CADPS2: variants seen among roughly 807,000 people sequenced by gnomAD.
CADPS2 encodes calcium dependent secretion activator 2.
In CADPS2, 93 loss-of-function variants were observed where a neutral mutation model predicts 172.5. The ratio of observed to expected loss-of-function variants is 0.54; its 90% CI spans 0.46 to 0.64. The LOEUF (loss-of-function observed/expected upper bound fraction) is 0.64, where lower values mean the gene tolerates loss of function less well. Ranked by LOEUF, CADPS2 falls within the 30% of genes least tolerant of loss-of-function variation. The pLI is 0.00. For missense variants in CADPS2, 1,420 were observed against 1,565.9 expected, an observed-to-expected ratio of 0.91 and a Z score of 1.57; for synonymous variants, 546 against 555.2, an observed-to-expected ratio of 0.98 and a Z score of 0.23.
chr7:122,721,965 G>C (rs1260943803), intron 2 of CADPS2, among the ~76,000 whole-genome samples: 1 of 152,134 alleles, frequency 6.6e-6, no homozygotes, highest in Admixed American at 6.6e-5. Flanking sequence ...AACAGATGCA[G>C]AAAAGGCCGT....
Position 122,663,358 on chromosome 7 carries a change from T to C in CADPS2, c.665A>G (p.Asn222Ser), listed in dbSNP as rs2080826358. The C allele has an allele frequency of 1.2e-6, 2 of 1,613,992 alleles. No individual in the cohort carries two copies. Among genetic ancestry groups the C allele is most frequent in the East Asian group, 2.2e-5 (1 of 44,870 alleles). ...RGEEDLCKQP[N>S]RMALSAVSEL... The stretch of plus-strand genomic sequence containing the variant: ...AGACACTGCACTTAGGGCCATTCTA[T>C]TTGGCTGTTTGCACAAGTCCTCTTC... The change falls in exon 3 of 30, where the codon AAT becomes AGT. Residue 222 changes from asparagine to serine, a missense_variant. Coordinates refer to ENST00000449022, the MANE Select transcript of CADPS2 (RefSeq NM_017954.11).
intron 15 of CADPS2, among the ~76,000 whole-genome samples, chr7:122,444,244 G>C (rs1243080366): frequency 6.6e-6 from 1 of 152,000 alleles, no homozygotes; most frequent in East Asian, 1.9e-4. Context: ...TCATAGTTTG[G>C]CTACTATGAA....
chr7:122,801,893 A>G (rs1341450326), intron 1 of CADPS2, among the ~76,000 whole-genome samples: 1 of 152,082 alleles, frequency 6.6e-6, no homozygotes, highest in Non-Finnish European at 1.5e-5. Flanking sequence ...GCAGGTGAGA[A>G]TCACTTTTTA....
chr7:122,722,821 C>T (rs534343452), intron 2 of CADPS2, among the ~76,000 whole-genome samples: 2 of 151,618 alleles, frequency 1.3e-5, no homozygotes, highest in Admixed American at 1.3e-4. Flanking sequence ...GGTACTGGTA[C>T]CAAAACAGAG....
At chr7:122,860,526 C>T (rs1311807439) in intron 1 of CADPS2, among the ~76,000 whole-genome samples, 1 of 151,994 alleles carries the variant, frequency 6.6e-6, no homozygotes, top group Non-Finnish European at 1.5e-5. Flanking sequence ...AGCCACTGTG[C>T]CCAGCCATAA....
chr7:122,323,890 TA>T (rs1432255393), intron 29 of CADPS2, among the ~76,000 whole-genome samples: 11 of 13,272 alleles, frequency 8.3e-4, no homozygotes, highest in South Asian at 0.013. Flanking sequence ...TATATATATA[TA>T]TATATATATA....
chr7:122,751,945 A>G (rs1351459991), intron 1 of CADPS2, among the ~76,000 whole-genome samples: 2 of 152,182 alleles, frequency 1.3e-5, no homozygotes, highest in East Asian at 3.9e-4. Flanking sequence ...ATTAGCATTT[A>G]GAAGCATTAT....
intron 20 of CADPS2, among the ~76,000 whole-genome samples, chr7:122,396,294 C>G (rs2045117496): frequency 6.6e-6 from 1 of 152,130 alleles, no homozygotes; most frequent in South Asian, 2.1e-4. Flanking sequence ...TATTTTATAT[C>G]CTTAATATCT....
intron 3 of CADPS2, among the ~76,000 whole-genome samples, chr7:122,645,487 C>T (rs1382034867): frequency 2.2e-5 from 2 of 89,134 alleles, no homozygotes; most frequent in Admixed American, 1.2e-4. Context: ...ATATATTTAG[C>T]GTATATATAT....
chr7:122,708,530 T>G (rs1258873068), intron 2 of CADPS2, among the ~76,000 whole-genome samples: 3 of 1,576 alleles, frequency 1.9e-3, no homozygotes, highest in Non-Finnish European at 3.7e-3. Flanking sequence ...GATATATATA[T>G]ATATATATAT....
At chr7:122,456,712 ACT>A (rs748245185) in intron 14 of CADPS2, among the ~76,000 whole-genome samples, 2 of 152,106 alleles carry the variant, frequency 1.3e-5, no homozygotes, top group Non-Finnish European at 2.9e-5. Flanking sequence ...TGTGGGTCAC[ACT>A]CTGTTTTCAG....
rs76975744 is a variant in CADPS2 at position 122,389,649 on chromosome 7, C to T, written c.3009-911G>A. On this transcript the variant is annotated intron_variant, in intron 22 of 29. Coordinates refer to ENST00000449022, the MANE Select transcript of CADPS2 (RefSeq NM_017954.11). ...ACAAGTGTTTTGAAAGTAAAATATT[C>T]CTACATTAAAACATATTGAAATTTA... is the stretch of plus-strand genomic sequence containing the variant. Among the ~76,000 whole-genome samples the T allele has an allele frequency of 6.0e-3, 918 of 151,942 alleles. 7 individuals carry two copies. The highest frequency in any genetic ancestry group is 9.6e-3 in the Non-Finnish European group (650 of 67,912).
At chr7:122,642,380 C>A (rs2134553526) in intron 3 of CADPS2, among the ~76,000 whole-genome samples, 1 of 152,152 alleles carries the variant, frequency 6.6e-6, no homozygotes, top group South Asian at 2.1e-4. Context: ...CAGTCACTCT[C>A]CTGTTGCATG....
chr7:122,372,238 G>A (rs966199013), intron 25 of CADPS2, among the ~76,000 whole-genome samples: 2 of 152,122 alleles, frequency 1.3e-5, no homozygotes, highest in African/African-American at 4.8e-5. Context: ...ATTCTGCACT[G>A]CCTTTCACAT....
At chr7:122,858,992 G>C (rs1389825502) in intron 1 of CADPS2, among the ~76,000 whole-genome samples, 1 of 152,150 alleles carries the variant, frequency 6.6e-6, no homozygotes, top group Non-Finnish European at 1.5e-5. Flanking sequence ...CAGGGCCTGA[G>C]GGCCAGGCAT....
At chr7:122,852,193 A>T (rs574913909) in intron 1 of CADPS2, among the ~76,000 whole-genome samples, 5 of 152,310 alleles carry the variant, frequency 3.3e-5, no homozygotes, top group African/African-American at 1.2e-4. Context: ...AATTAACACA[A>T]CTGAAAAAGA....
intron 17 of CADPS2, among the ~76,000 whole-genome samples, chr7:122,432,653 A>T (rs1369650031): frequency 1.3e-5 from 2 of 150,890 alleles, no homozygotes; most frequent in Non-Finnish European, 3.0e-5. Context: ...TAAAAAAAAA[A>T]AAAAAAAAGA....
chr7:122,506,465 T>G (rs948753778), intron 9 of CADPS2, among the ~76,000 whole-genome samples: 2 of 152,208 alleles, frequency 1.3e-5, no homozygotes, highest in Non-Finnish European at 2.9e-5. Flanking sequence ...ACAAGGTATC[T>G]GCATCTGGTA....
At chr7:122,845,718 G>A (rs1321582480) in intron 1 of CADPS2, among the ~76,000 whole-genome samples, 1 of 152,142 alleles carries the variant, frequency 6.6e-6, no homozygotes, top group South Asian at 2.1e-4. Context: ...TTTAAATGCA[G>A]TTTGGGCTTT....
Sources: allele counts gnomAD v4.1 joint callset (sites outside exome capture counted in the v4.1 genomes callset), GRCh38; gene constraint gnomAD v4.1.1; transcripts MANE v1.5; gene names NCBI Gene and HGNC (gene_info 2026-07-23, HGNC 2026-07-21).